FRMD4A: variants seen among roughly 807,000 people sequenced by gnomAD.
FRMD4A encodes FERM domain-containing protein 4A.
FRMD4A carries 29 observed loss-of-function variants against 129.1 expected under a neutral mutation model. That is an observed-to-expected ratio of 0.22 (90% CI 0.17 to 0.31). The LOEUF is 0.31. Among genes scored for constraint, FRMD4A ranks in the 10% least tolerant of loss-of-function variants. The pLI, the probability that FRMD4A is intolerant of heterozygous loss-of-function variation, is 1.00. For synonymous variants in FRMD4A, 634 were observed against 571.6 expected (o/e 1.11, Z -1.56); for missense variants, 1,272 against 1,375.8 (o/e 0.92, Z 1.19).
At chr10:14,272,047 A>G (rs1310011170) in intron 2 of FRMD4A, among the ~76,000 whole-genome samples, 1 of 152,172 alleles carries the variant, frequency 6.6e-6, no homozygotes. Flanking sequence ...ATCAGAAAAA[A>G]AACCTATATT....
At chr10:14,160,635 C>G (rs1333708878) in intron 2 of FRMD4A, among the ~76,000 whole-genome samples, 2 of 152,102 alleles carry the variant, frequency 1.3e-5, no homozygotes, top group Non-Finnish European at 2.9e-5. Context: ...GGCAAAGGAT[C>G]TGAGTAATTA....
chr10:13,702,540 A>ATGTG (rs398012859), intron 13 of FRMD4A, among the ~76,000 whole-genome samples: 5 of 107,716 alleles, frequency 4.6e-5, no homozygotes, highest in African/African-American at 1.1e-4. Context: ...GTGTGTTTGC[A>ATGTG]TGTGTGTGTG....
intron 2 of FRMD4A, among the ~76,000 whole-genome samples, chr10:14,272,179 C>T (rs889804268): frequency 6.6e-6 from 1 of 152,014 alleles, no homozygotes; most frequent in African/African-American, 2.4e-5. Flanking sequence ...GTAAACTTAC[C>T]CCAGCTTGCA....
intron 2 of FRMD4A, among the ~76,000 whole-genome samples, chr10:13,925,643 G>C (rs1408042561): frequency 7.7e-6 from 1 of 129,826 alleles, no homozygotes; most frequent in Admixed American, 9.2e-5. Context: ...GAGTGCGGTG[G>C]CGTGATCTCG....
chr10:13,891,306 A>T (rs1299597884), intron 2 of FRMD4A, among the ~76,000 whole-genome samples: 1 of 152,120 alleles, frequency 6.6e-6, no homozygotes, highest in African/African-American at 2.4e-5. Context: ...ATGGTTTTAA[A>T]AAAAGCCTAC....
intron 2 of FRMD4A, among the ~76,000 whole-genome samples, chr10:13,920,695 T>C (rs754698980): frequency 2.6e-5 from 4 of 152,236 alleles, no homozygotes; most frequent in Non-Finnish European, 5.9e-5. Context: ...CATGGGAACA[T>C]TCTTTTTAGA....
rs1403031976 is a variant in FRMD4A, at chr10:14,117,435, G to A, written c.45+212623C>T. On this transcript the variant is annotated intron_variant, in intron 2 of 24. Coordinates refer to ENST00000357447, the MANE Select transcript of FRMD4A (RefSeq NM_018027.5). Reference sequence around the variant, plus strand: ...GTGCCCTCTACTTCTGAGCTAGCAGGAGCCCCATTTCCTAGAAGTTGATAG... The same window carrying A: ...GTGCCCTCTACTTCTGAGCTAGCAGAAGCCCCATTTCCTAGAAGTTGATAG... Among the ~76,000 whole-genome samples, 3 of 152,230 alleles carry A rather than the reference G, an allele frequency of 2.0e-5. No individual in the cohort carries two copies. The East Asian group carries it at 5.8e-4, about 29-fold the overall frequency.
At chr10:14,128,076 C>CT (rs1839017254) in intron 2 of FRMD4A, among the ~76,000 whole-genome samples, 2 of 105,684 alleles carry the variant, frequency 1.9e-5, no homozygotes, top group African/African-American at 7.5e-5. Flanking sequence ...TTCTTTCTTT[C>CT]TTTCTTTCTT....
chr10:14,068,886 C>A (rs545275904), intron 2 of FRMD4A, among the ~76,000 whole-genome samples: 4 of 151,538 alleles, frequency 2.6e-5, no homozygotes, highest in African/African-American at 9.7e-5. Flanking sequence ...CCCTCCCTCC[C>A]TCTCCCTCTC....
chr10:13,944,399 C>A (rs749125001), intron 2 of FRMD4A, among the ~76,000 whole-genome samples: 2 of 152,028 alleles, frequency 1.3e-5, no homozygotes, highest in African/African-American at 2.4e-5. Flanking sequence ...GTGGGACCAT[C>A]TAGTAGCAGG....
intron 2 of FRMD4A, among the ~76,000 whole-genome samples, chr10:14,189,061 A>C (rs1842236035): frequency 1.3e-5 from 2 of 152,056 alleles, no homozygotes; most frequent in South Asian, 4.2e-4. Flanking sequence ...CTGTATTTTA[A>C]CCCTCAAGCA....
chr10:13,763,776 C>T (rs2092168504), intron 6 of FRMD4A, among the ~76,000 whole-genome samples: 1 of 152,126 alleles, frequency 6.6e-6, no homozygotes, highest in South Asian at 2.1e-4. Context: ...TGCTGTGTCA[C>T]CCAAGCTGGA....
intron 2 of FRMD4A, among the ~76,000 whole-genome samples, chr10:14,243,646 C>T (rs1844129584): frequency 6.6e-6 from 1 of 151,794 alleles, no homozygotes; most frequent in Admixed American, 6.6e-5. Context: ...TTGCTAGGGA[C>T]TAGGGGAGGG....
intron 2 of FRMD4A, among the ~76,000 whole-genome samples, chr10:14,240,085 C>A (rs1168825187): frequency 1.3e-5 from 2 of 152,186 alleles, no homozygotes; most frequent in Non-Finnish European, 2.9e-5. Context: ...ATAGAGTCTA[C>A]TATGTTGATG....
intron 2 of FRMD4A, among the ~76,000 whole-genome samples, chr10:14,260,215 C>G (rs953903673): frequency 6.6e-6 from 1 of 152,132 alleles, no homozygotes; most frequent in African/African-American, 2.4e-5. Flanking sequence ...AGCTTACAAC[C>G]GCTGCATTCT....
At chr10:14,177,829 C>T (rs1841785127) in intron 2 of FRMD4A, among the ~76,000 whole-genome samples, 1 of 152,158 alleles carries the variant, frequency 6.6e-6, no homozygotes, top group African/African-American at 2.4e-5. Context: ...TACACACCAG[C>T]CATTTAGCCC....
intron 14 of FRMD4A, among the ~76,000 whole-genome samples, chr10:13,697,536 G>A (rs1416287702): frequency 2.6e-5 from 4 of 152,170 alleles, no homozygotes; most frequent in Admixed American, 6.5e-5. Context: ...GTCGGGGAGA[G>A]TCTCTCTTTG....
In FRMD4A at chr10:13,821,136, C is replaced by T. The variant is rs957913009; in HGVS notation, c.112-10228G>A. On this transcript the variant is annotated intron_variant, in intron 3 of 24. Coordinates refer to ENST00000357447, the MANE Select transcript of FRMD4A (RefSeq NM_018027.5). The surrounding 1 kb of genome is among the most constrained non-coding windows in gnomAD (Gnocchi z 4.3). Reference sequence around the variant, plus strand: ...TATTCCCGGGGAGGGGAAGCTGCTGCGGGGGGTGCATGAGGTGACTCTGTG... The same window carrying T: ...TATTCCCGGGGAGGGGAAGCTGCTGTGGGGGGTGCATGAGGTGACTCTGTG... 1.3e-5 allele frequency among the ~76,000 whole-genome samples: 2 copies of T among 152,048 alleles called. No individual in the cohort carries two copies. Among genetic ancestry groups the T allele is most frequent in the Non-Finnish European group, 2.9e-5 (2 of 67,994 alleles).
intron 3 of FRMD4A, among the ~76,000 whole-genome samples, chr10:13,846,748 A>AT (rs1422184233): frequency 6.6e-6 from 1 of 152,200 alleles, no homozygotes; most frequent in Non-Finnish European, 1.5e-5. Flanking sequence ...CAGTCATATC[A>AT]TGGAGGAACT....
Sources: allele counts gnomAD v4.1 joint callset (sites outside exome capture counted in the v4.1 genomes callset), GRCh38; gene constraint gnomAD v4.1.1; non-coding constraint Gnocchi (gnomAD v3.1); transcripts MANE v1.5; gene names NCBI Gene and HGNC (gene_info 2026-07-23, HGNC 2026-07-21).